SNTG2: variants seen among roughly 807,000 people sequenced by gnomAD.
SNTG2 encodes the protein syntrophin gamma 2, also known as gamma-2-syntrophin.
A neutral mutation model predicts 70.9 loss-of-function variants in SNTG2; 74 were observed. The observed-to-expected ratio is 1.04, with a 90% CI of 0.86 to 1.27. The LOEUF (loss-of-function observed/expected upper bound fraction) is 1.27, where lower values mean the gene tolerates loss of function less well. Among genes scored for constraint, SNTG2 ranks in the 50% most tolerant of loss-of-function variants. The pLI is 0.00. For synonymous variants in SNTG2, 278 were observed against 273.8 expected, an observed-to-expected ratio of 1.02 and a Z score of -0.15; for missense variants, 717 against 690.7, an observed-to-expected ratio of 1.04 and a Z score of -0.43.
intron 4 of SNTG2, among the ~76,000 whole-genome samples, chr2:1,126,564 A>C (rs561693160): frequency 6.6e-6 from 1 of 152,288 alleles, no homozygotes; most frequent in Admixed American, 6.5e-5. Context: ...CATATTTTTC[A>C]TGTTGGCTAT....
intron 8 of SNTG2, among the ~76,000 whole-genome samples, chr2:1,176,712 T>G (rs1413022950): frequency 4.6e-5 from 7 of 151,580 alleles, no homozygotes; most frequent in Admixed American, 6.6e-5. Flanking sequence ...AAGAAGACAT[T>G]CATGTGGCCA....
At chr2:1,222,505 G>T (rs182994790) in intron 9 of SNTG2, among the ~76,000 whole-genome samples, 2,596 of 134,774 alleles carry the variant, frequency 0.019, 39 homozygotes, top group Admixed American at 0.034. Context: ...AGTGATGGAG[G>T]GCGTCTCCCT....
At chr2:1,085,036 G>T (rs1664591864) in intron 2 of SNTG2, among the ~76,000 whole-genome samples, 1 of 152,106 alleles carries the variant, frequency 6.6e-6, no homozygotes, top group Non-Finnish European at 1.5e-5. Flanking sequence ...GCCACTGTCG[G>T]TCTTCACGGG....
chr2:1,149,549 C>CT (rs1196575567), intron 6 of SNTG2, among the ~76,000 whole-genome samples: 1 of 152,094 alleles, frequency 6.6e-6, no homozygotes, highest in Non-Finnish European at 1.5e-5. Context: ...TCCTAATGTG[C>CT]TTTTCCCTGC....
chr2:1,177,496 A>AG (rs2147896919), intron 8 of SNTG2, among the ~76,000 whole-genome samples: 1 of 150,698 alleles, frequency 6.6e-6, no homozygotes, highest in African/African-American at 2.4e-5. Context: ...ATAAAAATTA[A>AG]AAAAAAAAAA....
chr2:1,137,510 A>T, intron 4 of SNTG2, 112 bp from the exon 5 acceptor site: 1 of 1,104,020 alleles, frequency 9.1e-7, no homozygotes, highest in Non-Finnish European at 1.3e-6. Flanking sequence ...ATGCACACAC[A>T]CACACACGTG....
intron 1 of SNTG2, among the ~76,000 whole-genome samples, chr2:969,360 G>T (rs4131977): frequency 0.34 from 52,265 of 151,550 alleles, 9,785 homozygotes; most frequent in Middle Eastern, 0.47. Flanking sequence ...CTTTTTTTGT[G>T]CCATATGAAT....
intron 1 of SNTG2, among the ~76,000 whole-genome samples, chr2:1,039,333 C>T (rs936282659): frequency 3.3e-5 from 5 of 152,204 alleles, no homozygotes; most frequent in Middle Eastern, 3.4e-3. Flanking sequence ...TTTTAAATAC[C>T]GTTTAAGCAG....
intron 1 of SNTG2, among the ~76,000 whole-genome samples, chr2:963,988 C>T (rs939964899): frequency 2.0e-5 from 3 of 152,096 alleles, no homozygotes; most frequent in Non-Finnish European, 4.4e-5. Context: ...CAGCTGCCTG[C>T]GTTTTCCTGT....
At chr2:1,041,984 A>G (rs1338760941) in intron 1 of SNTG2, among the ~76,000 whole-genome samples, 1 of 152,156 alleles carries the variant, frequency 6.6e-6, no homozygotes, top group Non-Finnish European at 1.5e-5. Context: ...TAATAATACC[A>G]TATTTCTTCA....
intron 14 of SNTG2, among the ~76,000 whole-genome samples, chr2:1,283,325 G>T (rs1572918712): frequency 6.6e-6 from 1 of 152,176 alleles, no homozygotes; most frequent in African/African-American, 2.4e-5. Flanking sequence ...CGGCTGCTTG[G>T]GACCGGGGTG....
Position 1,277,798 on chromosome 2 carries a change from G to C in SNTG2, c.1284+10227G>C, listed in dbSNP as rs967799615. Reference sequence around the variant, plus strand: ...AGGTTTTTGTGCAGGGCTATGCAGGGGAGGAGGGAAGACAGCCCAGTGGCT... The same window carrying C: ...AGGTTTTTGTGCAGGGCTATGCAGGCGAGGAGGGAAGACAGCCCAGTGGCT... On this transcript the variant is annotated intron_variant, in intron 14 of 16. Coordinates refer to ENST00000308624, the MANE Select transcript of SNTG2 (RefSeq NM_018968.4). 3.9e-5 allele frequency among the ~76,000 whole-genome samples: 6 copies of C among 152,294 alleles called. No homozygotes were observed. In the South Asian group the frequency reaches 1.2e-3, roughly 32 times the overall value.
At chr2:1,089,540 C>G (rs963955057) in intron 2 of SNTG2, among the ~76,000 whole-genome samples, 1 of 152,158 alleles carries the variant, frequency 6.6e-6, no homozygotes, top group African/African-American at 2.4e-5. Context: ...GAGGCTGAAG[C>G]AAGAGAATCA....
chr2:1,229,364 A>G (rs535327779), intron 9 of SNTG2, among the ~76,000 whole-genome samples: 2 of 152,328 alleles, frequency 1.3e-5, no homozygotes, highest in African/African-American at 2.4e-5. Flanking sequence ...GTAGCTAGAT[A>G]CAGAGTGTCC....
intron 1 of SNTG2, among the ~76,000 whole-genome samples, chr2:961,575 AAT>A (rs1331763344): frequency 6.6e-6 from 1 of 152,220 alleles, no homozygotes; most frequent in Non-Finnish European, 1.5e-5. Flanking sequence ...GGTTTTCTGC[AAT>A]ATCTTTTAAT....
chr2:1,164,221 A>G (rs1368987955), intron 6 of SNTG2, among the ~76,000 whole-genome samples: 7 of 147,334 alleles, frequency 4.8e-5, no homozygotes, highest in African/African-American at 1.0e-4. Context: ...GGAGAGTGCG[A>G]GGTGGGATAT....
At chr2:1,149,705 T>TTTTTTTTTTTTTTTTC (rs1558458440) in intron 6 of SNTG2, among the ~76,000 whole-genome samples, 1 of 4,322 alleles carries the variant, frequency 2.3e-4, no homozygotes, top group Admixed American at 2.2e-3. Context: ...TTTTTTTTTT[T>TTTTTTTTTTTTTTTTC]CAAATGGAAT....
intron 8 of SNTG2, among the ~76,000 whole-genome samples, chr2:1,200,882 G>A (rs1401026382): frequency 6.6e-6 from 1 of 151,874 alleles, no homozygotes; most frequent in Non-Finnish European, 1.5e-5. Context: ...TTTTAAAAAA[G>A]ATTTTAGAAA....
At chr2:1,135,653 C>T (rs564646036) in intron 4 of SNTG2, among the ~76,000 whole-genome samples, 4 of 152,150 alleles carry the variant, frequency 2.6e-5, no homozygotes, top group African/African-American at 9.7e-5. Flanking sequence ...ACCCAGGAGG[C>T]AGAGGTTGCA....
Sources: gnomAD v4.1 joint callset for allele counts (sites outside exome capture counted in the v4.1 genomes callset) on GRCh38, gnomAD v4.1.1 for gene constraint, MANE v1.5 for transcripts, NCBI Gene and HGNC (gene_info 2026-07-23, HGNC 2026-07-21) for gene names.